The following SMC1B variants were observed in gnomAD, a reference collection of about 807,000 sequenced individuals.
The protein encoded by SMC1B is structural maintenance of chromosomes protein 1B.
In SMC1B, 60 loss-of-function variants were observed where a neutral mutation model predicts 157.9. The ratio of observed to expected loss-of-function variants is 0.38; its 90% confidence interval spans 0.31 to 0.47. The LOEUF (loss-of-function observed/expected upper bound fraction) is 0.47, where lower values mean the gene tolerates loss of function less well. SMC1B is among the 20% of genes least tolerant of loss of function. The pLI is 0.99. For missense variants in SMC1B, 1,165 were observed against 1,426.2 expected (o/e 0.82, Z 2.95); for synonymous variants, 445 against 483.0 (o/e 0.92, Z 1.03).
In SMC1B at chr22:45,408,845, T is replaced by C; in HGVS notation, c.163A>G (p.Asn55Asp). Residue 55 changes from asparagine (N) to aspartate (D), a missense_variant, in exon 2 of 25, where the codon AAT (asparagine) becomes GAT (aspartate). Asn to Asp is a conservative substitution (Grantham distance 23, BLOSUM62 1). Transcript: ENST00000357450. ...LSFVMGEKIA[N>D]LRVKNIQELI... The stretch of plus-strand genomic sequence containing the variant: ...TCTTGAATATTTTTCACTCTTAAAT[T>C]AGCTATTTTCTCTCCCATTACAAAA... The C allele has an allele frequency of 6.4e-7, 1 of 1,567,684 alleles. No homozygotes were observed.
At chr22:45,373,161 T>C (rs1482592760) in intron 12 of SMC1B, among the ~76,000 whole-genome samples, 2 of 152,230 alleles carry the variant, frequency 1.3e-5, no homozygotes, top group Non-Finnish European at 2.9e-5. Context: ...CATGTATTGA[T>C]TGATGTCTTA....
chr22:45,348,302 A>C (rs1602040925), intron 23 of SMC1B, among the ~76,000 whole-genome samples: 1 of 152,230 alleles, frequency 6.6e-6, no homozygotes, highest in South Asian at 2.1e-4. Context: ...CTGTAATCCC[A>C]GCACTTTGGG....
In SMC1B at chr22:45,386,773, C is replaced by T. The variant is rs985693781; in HGVS notation, c.1911+94G>A. 2.0e-5 allele frequency: 22 copies of T among 1,122,454 alleles called. 1 individual carries two copies. Among genetic ancestry groups the T allele is most frequent in the South Asian group, 1.8e-4 (10 of 54,324 alleles). The allele number at this position is 1,122,454 out of a possible 1,614,324, so 69.5% of individuals were successfully genotyped here. On this transcript the variant is annotated intron_variant, in intron 11 of 24. Coordinates refer to ENST00000357450, the MANE Select transcript of SMC1B (RefSeq NM_148674.5). ...TCTTTAGAAAAAAGAACACATAAAA[C>T]GCATATGTAAATATTTGTGTGTGTT...
intron 1 of SMC1B, among the ~76,000 whole-genome samples, chr22:45,409,282 G>C (rs964475417): frequency 1.9e-4 from 29 of 152,300 alleles, no homozygotes; most frequent in African/African-American, 6.7e-4. Context: ...GAGAGGCTAA[G>C]GCTGGACGCG....
chr22:45,385,997 A>G (rs998594548), intron 11 of SMC1B, among the ~76,000 whole-genome samples: 1 of 152,096 alleles, frequency 6.6e-6, no homozygotes, highest in African/African-American at 2.4e-5. Flanking sequence ...AGTAGGTAAT[A>G]AAATTACTAC....
rs567185258 is a variant in SMC1B at position 45,387,967 on chromosome 22, G to A, written c.1732-921C>T. ...GAATTGCTTGAACCCGGGAGGCGGA[G>A]GTTGCAGTGAGCCGAGATCACGCCA... On this transcript the variant is annotated intron_variant, in intron 10 of 24. Transcript: ENST00000357450. Among the ~76,000 whole-genome samples, 241 of 151,954 alleles carry A rather than the reference G, an allele frequency of 1.6e-3. 2 individuals are homozygous for A. The highest frequency in any genetic ancestry group is 0.014 in the Middle Eastern group (4 of 294).
intron 1 of SMC1B, among the ~76,000 whole-genome samples, chr22:45,410,947 G>A (rs1282496883): frequency 6.6e-6 from 1 of 152,166 alleles, no homozygotes; most frequent in Non-Finnish European, 1.5e-5. Flanking sequence ...GTAAGACAGT[G>A]CATATGGACA....
At chr22:45,386,831 C>T in intron 11 of SMC1B, 36 bp downstream of exon 11, 1 of 1,580,958 alleles carries the variant, frequency 6.3e-7, no homozygotes, top group Non-Finnish European at 8.6e-7. Context: ...ACTACTTCAA[C>T]TTATCCAAAG....
In SMC1B at chr22:45,358,918, A is replaced by ATAAT. The variant is rs1402134250; in HGVS notation, c.2863-124_2863-123insATTA. The ATAAT allele has an allele frequency of 1.8e-5, 10 of 555,494 alleles. No individual in the cohort carries two copies. In the East Asian group the frequency reaches 3.0e-4, roughly 17 times the overall value. The allele number at this position is 555,494 out of a possible 1,614,324, so 34.4% of individuals were successfully genotyped here. A position where few individuals can be genotyped will look rare whatever the true frequency, so the allele number is the denominator to read the frequency against. On this transcript the variant is annotated intron_variant, in intron 18 of 24. Transcript: ENST00000357450. ...AAAGATCAGTTATATAGATCACCTTAACAGACATATAATAATAAAAAAGTT... is the reference window on the plus strand; with the variant it reads ...AAAGATCAGTTATATAGATCACCTTATAATACAGACATATAATAATAAAAAAGTT...
At chr22:45,387,988 C>T (rs1174277700) in intron 10 of SMC1B, among the ~76,000 whole-genome samples, 5 of 151,502 alleles carry the variant, frequency 3.3e-5, no homozygotes, top group South Asian at 2.1e-4. Context: ...GCCGAGATCA[C>T]GCCATTGCAC....
chr22:45,393,865 C>G, intron 8 of SMC1B, 24 bp from the exon 9 acceptor site: 1 of 1,562,970 alleles, frequency 6.4e-7, no homozygotes, highest in Non-Finnish European at 8.7e-7. Flanking sequence ...ACAAATTATA[C>G]AGCAAAATGA....
chr22:45,406,705 G>T, intron 3 of SMC1B, 42 bp from the exon 4 acceptor site: 2 of 1,580,118 alleles, frequency 1.3e-6, no homozygotes, highest in Non-Finnish European at 1.7e-6. Context: ...AAAATATAGT[G>T]ATGTATTTTC....
At chr22:45,396,536 A>T in intron 6 of SMC1B, 50 bp from the exon 7 acceptor site, 1 of 1,532,530 alleles carries the variant, frequency 6.5e-7, no homozygotes, top group African/African-American at 1.4e-5. Context: ...GAAGCATGAG[A>T]GCAAATTTCT....
intron 15 of SMC1B, among the ~76,000 whole-genome samples, chr22:45,363,951 C>T (rs2086747581): frequency 6.6e-6 from 1 of 151,802 alleles, no homozygotes; most frequent in Non-Finnish European, 1.5e-5. Context: ...TGGGTTCAAA[C>T]AATTCTCCTG....
At position 45,398,425 on chromosome 22, in the gene SMC1B, G is replaced by A. The variant is rs369702499; in HGVS notation, c.1113+670C>T. 1.6e-4 allele frequency among the ~76,000 whole-genome samples: 24 copies of A among 152,312 alleles called. 2 individuals carry two copies. In the East Asian group the frequency reaches 2.7e-3, roughly 17 times the overall value. ...GGATTCGCGCCAGAGTGCAGGCCAGGTGCGGCCTGGCAGGCTGACAGGGTG... is the reference window on the plus strand; with the variant it reads ...GGATTCGCGCCAGAGTGCAGGCCAGATGCGGCCTGGCAGGCTGACAGGGTG... On this transcript the variant is annotated intron_variant, in intron 6 of 24. Coordinates refer to ENST00000357450, the MANE Select transcript of SMC1B (RefSeq NM_148674.5).
chr22:45,409,435 C>T (rs1006269552), intron 1 of SMC1B, among the ~76,000 whole-genome samples: 1 of 151,868 alleles, frequency 6.6e-6, no homozygotes, highest in Non-Finnish European at 1.5e-5. Context: ...CTTGGTGGCA[C>T]GCACCTGTAG....
At chr22:45,365,952 A>G (rs2086771620) in intron 15 of SMC1B, among the ~76,000 whole-genome samples, 3 of 152,174 alleles carry the variant, frequency 2.0e-5, no homozygotes, top group Admixed American at 1.3e-4. Context: ...GAAGGTATCA[A>G]TTCTCCACAA....
intron 1 of SMC1B, among the ~76,000 whole-genome samples, chr22:45,411,971 C>T (rs953974118): frequency 5.3e-5 from 8 of 152,036 alleles, no homozygotes; most frequent in African/African-American, 1.4e-4. Context: ...CTCCGCCTCC[C>T]GGGTTCAAGT....
chr22:45,400,766 T>TA (rs1342182141), intron 5 of SMC1B, among the ~76,000 whole-genome samples: 1 of 152,220 alleles, frequency 6.6e-6, no homozygotes, highest in Non-Finnish European at 1.5e-5. Flanking sequence ...ACCATGTTGA[T>TA]ATGACACATG....
Sources: allele counts gnomAD v4.1 joint callset (sites outside exome capture counted in the v4.1 genomes callset), GRCh38; gene constraint gnomAD v4.1.1; transcripts MANE v1.5; gene names NCBI Gene and HGNC (gene_info 2026-07-23, HGNC 2026-07-21).